GALNT13: variants seen among roughly 807,000 people sequenced by gnomAD.
The protein encoded by GALNT13 is UDP-GalNAc:polypeptide N-acetylgalactosaminyltransferase 13.
Under a neutral mutation model 64.2 loss-of-function variants are expected in GALNT13, and 28 were observed. The observed-to-expected ratio is 0.44, with a 90% CI of 0.32 to 0.60. The LOEUF is 0.60. Ranked by LOEUF, GALNT13 falls within the 20% of genes least tolerant of loss-of-function variation. The pLI is 0.05. For missense variants in GALNT13, 577 were observed against 669.8 expected, an observed-to-expected ratio of 0.86 and a Z score of 1.53; for synonymous variants, 214 against 224.6, an observed-to-expected ratio of 0.95 and a Z score of 0.42.
At chr2:153,244,902 G>A in the GALNT13 span, among the ~76,000 whole-genome samples, 1 of 152,224 alleles carries the variant, frequency 6.6e-6, no homozygotes, top group African/African-American at 2.4e-5. Flanking sequence ...ACTGCCAGCA[G>A]AAGTCTGGAG....
the GALNT13 span, among the ~76,000 whole-genome samples, chr2:153,528,640 A>T: frequency 7.9e-5 from 12 of 151,996 alleles, no homozygotes; most frequent in African/African-American, 2.9e-4. Context: ...CAGCCTAGGG[A>T]TCATTCTTAA....
intron 3 of GALNT13, among the ~76,000 whole-genome samples, chr2:154,041,309 G>A (rs539830116): frequency 7.1e-6 from 1 of 140,502 alleles, no homozygotes; most frequent in Non-Finnish European, 1.6e-5. Context: ...CACAATAACT[G>A]TGTTATTACT....
At chr2:153,741,810 C>G in the GALNT13 span, among the ~76,000 whole-genome samples, 2 of 151,966 alleles carry the variant, frequency 1.3e-5, no homozygotes, top group Non-Finnish European at 2.9e-5. Context: ...AGTATTCAAA[C>G]TTCATCTCTT....
At chr2:154,298,612 T>TTTATATATACATTGTATATATAAA (rs1693149693) in intron 8 of GALNT13, among the ~76,000 whole-genome samples, 2 of 15,176 alleles carry the variant, frequency 1.3e-4, no homozygotes, top group Non-Finnish European at 1.2e-4. Flanking sequence ...TATATATTAA[T>TTTATATATACATTGTATATATAAA]TTATATATAC....
At chr2:154,305,966 T>C (rs1179682045) in intron 9 of GALNT13, among the ~76,000 whole-genome samples, 4 of 152,192 alleles carry the variant, frequency 2.6e-5, no homozygotes, top group South Asian at 2.1e-4. Context: ...GAATAATTTT[T>C]AAAAGAGAGC....
chr2:153,973,835 C>A (rs938600633), intron 3 of GALNT13, among the ~76,000 whole-genome samples: 5 of 151,946 alleles, frequency 3.3e-5, no homozygotes, highest in Non-Finnish European at 5.9e-5. Flanking sequence ...ATTAGATGAA[C>A]ATGACCATAT....
the GALNT13 span, among the ~76,000 whole-genome samples, chr2:153,539,055 T>C: frequency 9.3e-6 from 1 of 107,600 alleles, no homozygotes; most frequent in Non-Finnish European, 1.7e-5. Context: ...CAGCACCTGT[T>C]GTTTCCTGAC....
Position 154,154,539 on chromosome 2 carries a change from A to T in GALNT13, c.311+14034A>T, listed in dbSNP as rs544566177. Among the ~76,000 whole-genome samples the T allele has an allele frequency of 5.9e-5, 9 of 152,344 alleles. 1 individual carries two copies. Among genetic ancestry groups the T allele is most frequent in the African/African-American group, 2.2e-4 (9 of 41,580 alleles). ...GTATTATATAAAAGGTATTATAGAT[A>T]AGAGAAGCCTGAATTTAATAAGATT... is the stretch of plus-strand genomic sequence containing the variant. On this transcript the variant is annotated intron_variant, in intron 4 of 12. Coordinates refer to ENST00000392825, the MANE Select transcript of GALNT13 (RefSeq NM_052917.4).
intron 11 of GALNT13, among the ~76,000 whole-genome samples, chr2:154,435,269 C>A (rs950170590): frequency 6.6e-6 from 1 of 152,084 alleles, no homozygotes; most frequent in African/African-American, 2.4e-5. Context: ...ATGAATGAAT[C>A]AATCTTGTAT....
At chr2:154,372,495 T>C (rs768101312) in intron 9 of GALNT13, among the ~76,000 whole-genome samples, 1 of 152,136 alleles carries the variant, frequency 6.6e-6, no homozygotes, top group Non-Finnish European at 1.5e-5. Flanking sequence ...ATGTCATTTG[T>C]AATAATACTT....
chr2:154,385,625 G>A lies in GALNT13; in HGVS notation c.1157-10366G>A, dbSNP rs1698476588. ...TAATAATAGATAAAAATGCTATATA[G>A]ACTTAATGAGAATGTGTATCCAAAA... is the stretch of plus-strand genomic sequence containing the variant. On this transcript the variant is annotated intron_variant, in intron 9 of 12. Transcript: ENST00000392825. Among the ~76,000 whole-genome samples the A allele has an allele frequency of 1.3e-5, 2 of 152,012 alleles. 1 individual carries two copies. Among genetic ancestry groups the A allele is most frequent in the South Asian group, 4.2e-4 (2 of 4,806 alleles).
the GALNT13 span, among the ~76,000 whole-genome samples, chr2:153,818,564 G>A: frequency 1.3e-5 from 2 of 152,204 alleles, no homozygotes; most frequent in Admixed American, 6.5e-5. Context: ...TCCCAGCATA[G>A]TGACTCTGCC....
At chr2:153,504,151 A>C in the GALNT13 span, among the ~76,000 whole-genome samples, 2 of 152,224 alleles carry the variant, frequency 1.3e-5, no homozygotes, top group South Asian at 4.1e-4. Flanking sequence ...GCTATTGTAA[A>C]AGGGGGTTGA....
At chr2:153,280,286 T>A in the GALNT13 span, among the ~76,000 whole-genome samples, 1 of 152,144 alleles carries the variant, frequency 6.6e-6, no homozygotes, top group African/African-American at 2.4e-5. Context: ...TAGTGATTTA[T>A]AGATTTTTCT....
chr2:154,373,173 T>G (rs1697796465), intron 9 of GALNT13, among the ~76,000 whole-genome samples: 1 of 152,116 alleles, frequency 6.6e-6, no homozygotes, highest in African/African-American at 2.4e-5. Context: ...TGGCAAACCT[T>G]CAACACTTAT....
the GALNT13 span, among the ~76,000 whole-genome samples, chr2:153,296,722 A>G: frequency 6.6e-6 from 1 of 152,216 alleles, no homozygotes; most frequent in Non-Finnish European, 1.5e-5. Flanking sequence ...AGTCTAAAAT[A>G]TTGTGATAGA....
chr2:154,430,773 C>G (rs1321664302), intron 11 of GALNT13, among the ~76,000 whole-genome samples: 1 of 152,106 alleles, frequency 6.6e-6, no homozygotes, highest in Non-Finnish European at 1.5e-5. Flanking sequence ...TTTAAAATTA[C>G]TACATCCACC....
intron 1 of GALNT13, among the ~76,000 whole-genome samples, chr2:153,888,640 T>C (rs1687346583): frequency 6.6e-6 from 1 of 151,966 alleles, no homozygotes; most frequent in Non-Finnish European, 1.5e-5. Context: ...AAAATTTTGT[T>C]ACAAGCTTCA....
chr2:154,025,646 A>G (rs1167925502), intron 3 of GALNT13, among the ~76,000 whole-genome samples: 1 of 152,188 alleles, frequency 6.6e-6, no homozygotes, highest in Non-Finnish European at 1.5e-5. Context: ...CATTAGTGCT[A>G]TGATTTTTTA....
Sources: allele counts gnomAD v4.1 joint callset (sites outside exome capture counted in the v4.1 genomes callset), GRCh38; gene constraint gnomAD v4.1.1; transcripts MANE v1.5; gene names NCBI Gene and HGNC (gene_info 2026-07-23, HGNC 2026-07-21).